PDE4D: variants seen among roughly 807,000 people sequenced by gnomAD.
PDE4D encodes 3',5'-cyclic-AMP phosphodiesterase 4D.
Under a neutral mutation model 87.4 loss-of-function variants are expected in PDE4D, and 24 were observed. The ratio of observed to expected loss-of-function variants is 0.27; its 90% CI spans 0.20 to 0.39. The LOEUF (loss-of-function observed/expected upper bound fraction) is 0.39. Among genes scored for constraint, PDE4D ranks in the 10% least tolerant of loss-of-function variants. PDE4D has a pLI of 1.00. For missense variants in PDE4D, 714 were observed against 1,041.0 expected, an observed-to-expected ratio of 0.69 and a Z score of 4.32; for synonymous variants, 384 against 383.2, an observed-to-expected ratio of 1.00 and a Z score of -0.02.
At chr5:59,718,396 C>A (rs937920004) in intron 1 of PDE4D, among the ~76,000 whole-genome samples, 1 of 152,094 alleles carries the variant, frequency 6.6e-6, no homozygotes, top group Non-Finnish European at 1.5e-5. Flanking sequence ...TGGTGAACAC[C>A]TTCCTTAATT....
chr5:60,132,156 A>G (rs1779646322), intron 2 of PDE4D, among the ~76,000 whole-genome samples: 1 of 152,206 alleles, frequency 6.6e-6, no homozygotes, highest in Non-Finnish European at 1.5e-5. Context: ...AACATCTTGA[A>G]CTAAGTTAAT....
chr5:59,678,799 T>C (rs1053505878), intron 1 of PDE4D, among the ~76,000 whole-genome samples: 34 of 152,154 alleles, frequency 2.2e-4, no homozygotes, highest in Non-Finnish European at 4.3e-4. Flanking sequence ...TTTACTATTA[T>C]CAACTCATTG....
intron 1 of PDE4D, among the ~76,000 whole-genome samples, chr5:59,857,365 C>T (rs2152724746): frequency 6.6e-6 from 1 of 152,306 alleles, no homozygotes; most frequent in South Asian, 2.1e-4. Context: ...CTAGCACCTT[C>T]CTAACTCCAG....
At chr5:59,482,606 A>T (rs1804460142) in intron 1 of PDE4D, among the ~76,000 whole-genome samples, 1 of 152,276 alleles carries the variant, frequency 6.6e-6, no homozygotes, top group African/African-American at 2.4e-5. Context: ...TGTGTCTGAA[A>T]TGGACCCATA....
intron 2 of PDE4D, among the ~76,000 whole-genome samples, chr5:60,103,103 T>C (rs1401430303): frequency 6.6e-6 from 1 of 152,114 alleles, no homozygotes; most frequent in Non-Finnish European, 1.5e-5. Context: ...ATTCATGAAC[T>C]CCTGCAGGGA....
intron 1 of PDE4D, among the ~76,000 whole-genome samples, chr5:59,555,604 T>G (rs1341278736): frequency 1.3e-5 from 2 of 152,080 alleles, no homozygotes; most frequent in African/African-American, 4.8e-5. Flanking sequence ...TAAGTATAAC[T>G]CTTTTCTTAA....
intron 1 of PDE4D, among the ~76,000 whole-genome samples, chr5:59,280,473 T>C (rs1765610361): frequency 6.6e-6 from 1 of 152,096 alleles, no homozygotes; most frequent in African/African-American, 2.4e-5. Flanking sequence ...GAAGAAAAAC[T>C]ATCTAATTTA....
intron 5 of PDE4D, chr5:59,125,163 T>C (rs1775197328): frequency 2.7e-6 from 1 of 367,198 alleles, no homozygotes; most frequent in South Asian, 1.1e-4. Flanking sequence ...TAGAAGAGAT[T>C]GAGCTATTTT....
intron 1 of PDE4D, among the ~76,000 whole-genome samples, chr5:59,621,904 A>G (rs986272310): frequency 2.0e-5 from 3 of 152,208 alleles, no homozygotes; most frequent in Non-Finnish European, 4.4e-5. Flanking sequence ...ATGAACTCCA[A>G]TCAGTAACAT....
chr5:59,589,288 A>G (rs978043977), intron 1 of PDE4D, among the ~76,000 whole-genome samples: 1 of 152,196 alleles, frequency 6.6e-6, no homozygotes, highest in Non-Finnish European at 1.5e-5. Flanking sequence ...TATTATTGTT[A>G]TATGTATTAT....
chr5:59,120,884 C>CTGAT (rs1189991936), intron 5 of PDE4D, among the ~76,000 whole-genome samples: 2 of 152,050 alleles, frequency 1.3e-5, no homozygotes, highest in Non-Finnish European at 2.9e-5. Flanking sequence ...ACAGAGTGGA[C>CTGAT]TGATAGATTT....
chr5:59,957,361 T>C (rs1270980543), intron 3 of PDE4D, among the ~76,000 whole-genome samples: 1 of 152,074 alleles, frequency 6.6e-6, no homozygotes, highest in Non-Finnish European at 1.5e-5. Flanking sequence ...TCTACTTCCA[T>C]ATAAAGTTGC....
At chr5:59,089,213 A>G (rs1347369958) in intron 5 of PDE4D, among the ~76,000 whole-genome samples, 3 of 152,142 alleles carry the variant, frequency 2.0e-5, no homozygotes, top group African/African-American at 7.2e-5. Context: ...TAAATGTGCT[A>G]AGTGAGCTGG....
intron 2 of PDE4D, among the ~76,000 whole-genome samples, chr5:60,001,059 C>T (rs138741400): frequency 4.6e-5 from 7 of 152,216 alleles, no homozygotes; most frequent in South Asian, 2.1e-4. Flanking sequence ...GGAGGCAAGT[C>T]CTCTCAGATG....
At chr5:60,416,576 G>A (rs9291690) in intron 1 of PDE4D, among the ~76,000 whole-genome samples, 45,769 of 151,904 alleles carry the variant, frequency 0.3, 8,482 homozygotes, top group African/African-American at 0.53. Context: ...GCAAGACCAC[G>A]AACCCACCAG....
intron 1 of PDE4D, among the ~76,000 whole-genome samples, chr5:60,201,262 T>G (rs1174027720): frequency 6.6e-6 from 1 of 150,618 alleles, no homozygotes; most frequent in African/African-American, 2.4e-5. Context: ...AGTAACTGGG[T>G]TGATTACAAA....
intron 2 of PDE4D, among the ~76,000 whole-genome samples, chr5:60,039,583 A>G (rs1266315378): frequency 6.6e-6 from 1 of 151,938 alleles, no homozygotes; most frequent in African/African-American, 2.4e-5. Context: ...CTTAAACTAT[A>G]ATAATAATAA....
chr5:59,460,958 T>C (rs1800687855), intron 1 of PDE4D, among the ~76,000 whole-genome samples: 2 of 152,314 alleles, frequency 1.3e-5, no homozygotes, highest in Non-Finnish European at 2.9e-5. Context: ...TTGCAGCACA[T>C]GTGCTCTGCC....
chr5:59,346,902 T>C (rs140937515), intron 1 of PDE4D, among the ~76,000 whole-genome samples: 1 of 152,288 alleles, frequency 6.6e-6, no homozygotes, highest in African/African-American at 2.4e-5. Context: ...GATGAAATGT[T>C]TTCATCTTTT....
Sources: allele counts gnomAD v4.1 joint callset (sites outside exome capture counted in the v4.1 genomes callset), GRCh38; gene constraint gnomAD v4.1.1; transcripts MANE v1.5; gene names NCBI Gene and HGNC (gene_info 2026-07-23, HGNC 2026-07-21).